The following DENND4B variants were observed in gnomAD, a reference collection of about 807,000 sequenced individuals.
The protein encoded by DENND4B is DENN domain-containing protein 4B.
DENND4B carries 67 observed loss-of-function variants against 161.0 expected under a neutral mutation model. The observed-to-expected ratio is 0.42, with a 90% CI of 0.34 to 0.51. The LOEUF (loss-of-function observed/expected upper bound fraction) is 0.51, where lower values mean the gene tolerates loss of function less well. Among genes scored for constraint, DENND4B ranks in the 20% least tolerant of loss-of-function variants. The pLI is 0.08. For missense variants in DENND4B, 1,481 were observed against 1,968.0 expected (o/e 0.75, Z 4.68); for synonymous variants, 753 against 813.8 (o/e 0.93, Z 1.27).
Position 153,941,380 on chromosome 1 carries a change from T to G in DENND4B, c.1116A>C (p.Leu372=). The G allele has an allele frequency of 6.2e-7, 1 of 1,613,344 alleles. No homozygotes were observed. Among genetic ancestry groups the G allele is most frequent in the Non-Finnish European group, 8.5e-7 (1 of 1,179,686 alleles). The change falls in exon 7 of 28, where the codon CTA becomes CTC. Residue 372 remains leucine, a synonymous_variant. Transcript: ENST00000361217. ...CCCCAGCCTCAGCTCTCACCTGCAC[T>G]AGGATGCGGGGTCTCTGTGGGGAAG... ...PFPSPQRPRI[L]VQMSPYDNLL... is the part of the protein sequence containing the mutation.
In DENND4B at chr1:153,939,822, C is replaced by A. The variant is rs1679565059; in HGVS notation, c.1604-18G>T. 1.9e-6 allele frequency: 3 copies of A among 1,611,360 alleles called. No individual in the cohort carries two copies. Among genetic ancestry groups the A allele is most frequent in the Non-Finnish European group, 1.7e-6 (2 of 1,178,322 alleles). On this transcript the variant is annotated intron_variant, in intron 11 of 27. Coordinates refer to ENST00000361217, the MANE Select transcript of DENND4B (RefSeq NM_014856.3). ...AGTGTATGCTGGAGGCCAGGGCAGC[C>A]TAAGAGTCAGGGCTGGCTCCCATAG... is the stretch of plus-strand genomic sequence containing the variant.
rs971014242 is a variant in DENND4B at position 153,936,399 on chromosome 1, C to G, written c.2439+143G>C. 2 of 1,151,228 alleles carry G rather than the reference C, an allele frequency of 1.7e-6. No homozygotes were observed. Among genetic ancestry groups the G allele is most frequent in the Non-Finnish European group, 2.4e-6 (2 of 823,754 alleles). 71.3% of individuals were successfully genotyped at this position (1,151,228 alleles called of 1,614,324 possible). ...ACCCTGAACATGCTTATTCACTCGACGAATGTTTATAGATAATCTGCCCAG... is the reference window on the plus strand; with the variant it reads ...ACCCTGAACATGCTTATTCACTCGAGGAATGTTTATAGATAATCTGCCCAG... On this transcript the variant is annotated intron_variant, in intron 16 of 27. Transcript: ENST00000361217. This position sits in a 1 kb window ranked among gnomAD's most constrained non-coding sequence, Gnocchi z 4.1.
At position 153,934,095 on chromosome 1, in the gene DENND4B, G is replaced by C. The variant is rs1679157333; in HGVS notation, c.2941+40C>G. 1 of 1,512,190 alleles carries C rather than the reference G, an allele frequency of 6.6e-7. No homozygotes were observed. The highest frequency in any genetic ancestry group is 1.3e-5 in the South Asian group (1 of 76,002). 93.7% of individuals were successfully genotyped at this position (1,512,190 alleles called of 1,614,324 possible). A position where few individuals can be genotyped will look rare whatever the true frequency, so the allele number is the denominator to read the frequency against. ...ACCTCACTAGCAAGTGGTTAGGAAAGCTGACTGGGGGAGTGAGGGAGCCAG... is the reference window on the plus strand; with the variant it reads ...ACCTCACTAGCAAGTGGTTAGGAAACCTGACTGGGGGAGTGAGGGAGCCAG... On this transcript the variant is annotated intron_variant, in intron 19 of 27. Transcript: ENST00000361217. The surrounding 1 kb of genome is among the most constrained non-coding windows in gnomAD (Gnocchi z 5.3).
At position 153,930,525 on chromosome 1, in the gene DENND4B, G is replaced by C. The variant is rs201557402; in HGVS notation, c.4345+14C>G. ...AGATCCCTAAACTCCTCAGCCCCTTGCCTGCAATCTCACCTATGTCCACGT... is the reference window on the plus strand; with the variant it reads ...AGATCCCTAAACTCCTCAGCCCCTTCCCTGCAATCTCACCTATGTCCACGT... On this transcript the variant is annotated intron_variant, in intron 27 of 27. Transcript: ENST00000361217. This position sits in a 1 kb window ranked among gnomAD's most constrained non-coding sequence, Gnocchi z 4.7. 49 of 1,614,018 alleles carry C rather than the reference G, an allele frequency of 3.0e-5. No individual in the cohort carries two copies. In the East Asian group the frequency reaches 1.0e-3, roughly 34 times the overall value.
At position 153,940,936 on chromosome 1, in the gene DENND4B, G is replaced by A. The variant is rs757873402; in HGVS notation, c.1294C>T (p.Leu432=). ...KLLVHSLRPD[L]LTSVCEALVS... ...AGGGCCTCACAGACGCTGGTGAGCA[G>A]GTCTGGCCGCAGCGAGTGGACTAGC... Residue 432 remains leucine (L), a synonymous_variant, in exon 9 of 28, where the codon CTG becomes TTG. Transcript: ENST00000361217. The surrounding 1 kb of genome is among the most constrained non-coding windows in gnomAD (Gnocchi z 5.6). 8.1e-6 allele frequency: 13 copies of A among 1,599,996 alleles called. No homozygotes were observed. The highest frequency in any genetic ancestry group is 1.7e-5 in the Admixed American group (1 of 57,298).
At position 153,940,243 on chromosome 1, in the gene DENND4B, T is replaced by G. The variant is rs534670650; in HGVS notation, c.1516A>C (p.Lys506Gln). Reference sequence around the variant, plus strand: ...GGCAGGGTCCGAGGGGAGAGGAGCTTCTTTTCCTCAGTCCTGTGAGAAAAG... The same window carrying G: ...GGCAGGGTCCGAGGGGAGAGGAGCTGCTTTTCCTCAGTCCTGTGAGAAAAG... Reference protein sequence around the residue: ...TNTLFQTEEKKLLSPRTLPRR... With the variant: ...TNTLFQTEEKQLLSPRTLPRR... Residue 506 changes from lysine (K) to glutamine (Q), a missense_variant, in exon 11 of 28, where the codon AAG becomes CAG. Physicochemically the swap from Lys to Gln is moderately conservative, Grantham distance 53 (BLOSUM62 1). Around this residue, in one of 3 missense-constraint regions of DENND4B, gnomAD observed 806 missense variants for 1,134.4 expected, o/e 0.71. Transcript: ENST00000361217. The surrounding 1 kb of genome is among the most constrained non-coding windows in gnomAD (Gnocchi z 5.6). 1.9e-6 allele frequency: 3 copies of G among 1,599,122 alleles called. No homozygotes were observed. The highest frequency in any genetic ancestry group is 2.2e-5 in the East Asian group (1 of 44,818).
chr1:153,939,115 G>T, intron 12 of DENND4B, 70 bp from the exon 13 acceptor site: 1 of 1,557,428 alleles, frequency 6.4e-7, no homozygotes, highest in South Asian at 1.2e-5. Context: ...TAGCTTTTTT[G>T]AATCTCTTCT....
chr1:153,942,910 A>C lies in DENND4B; in HGVS notation c.538T>G (p.Cys180Gly). The change falls in exon 3 of 28, where the codon TGC (cysteine) becomes GGC (glycine). Residue 180 changes from cysteine to glycine, a missense_variant. Cys to Gly is a radical substitution (Grantham distance 159). Around this residue, in one of 3 missense-constraint regions of DENND4B, gnomAD observed 806 missense variants for 1,134.4 expected, o/e 0.71. Coordinates refer to ENST00000361217, the MANE Select transcript of DENND4B (RefSeq NM_014856.3). The surrounding 1 kb of genome is among the most constrained non-coding windows in gnomAD (Gnocchi z 6.9). The part of the protein sequence containing the change: ...SKGEGTPHTY[C>G]RLPRNLNPGM... ...GGGTTGAGGTTGCGGGGCAGCCGGC[A>C]GTAAGTATGAGGAGTGCCCTCGCCC... 6.2e-7 allele frequency: 1 copy of C among 1,603,518 alleles called. No homozygotes were observed. The highest frequency in any genetic ancestry group is 8.5e-7 in the Non-Finnish European group (1 of 1,171,540).
chr1:153,945,590 A>G (rs1322464782), intron 1 of DENND4B, among the ~76,000 whole-genome samples: 1 of 152,092 alleles, frequency 6.6e-6, no homozygotes, highest in East Asian at 1.9e-4. Context: ...ACACACACGC[A>G]CACACGTACA....
Position 153,940,811 on chromosome 1 carries a change from C to A in DENND4B, c.1326+93G>T. 1 of 1,481,572 alleles carries A rather than the reference C, an allele frequency of 6.7e-7. No individual in the cohort carries two copies. Among genetic ancestry groups the A allele is most frequent in the Non-Finnish European group, 8.9e-7 (1 of 1,117,726 alleles). The allele number at this position is 1,481,572 out of a possible 1,614,324, so 91.8% of individuals were successfully genotyped here. A position where few individuals can be genotyped will look rare whatever the true frequency, so the allele number is the denominator to read the frequency against. ...AGGGAAAGGGGCTGAGGATCCTCCACAAGGAAGGAAAAGGGAAGAGTCCAG... is the reference window on the plus strand; with the variant it reads ...AGGGAAAGGGGCTGAGGATCCTCCAAAAGGAAGGAAAAGGGAAGAGTCCAG... On this transcript the variant is annotated intron_variant, in intron 9 of 27. Transcript: ENST00000361217. This position sits in a 1 kb window ranked among gnomAD's most constrained non-coding sequence, Gnocchi z 5.6.
chr1:153,938,002 G>A (rs1376595433), intron 13 of DENND4B, 139 bp from the exon 14 acceptor site: 4 of 1,244,480 alleles, frequency 3.2e-6, no homozygotes, highest in Non-Finnish European at 4.5e-6. Context: ...TCAGGAACGG[G>A]AGGACAGTAC....
Position 153,933,319 on chromosome 1 carries a change from T to G in DENND4B, c.3331A>C (p.Ser1111Arg). The G allele has an allele frequency of 2.5e-6, 4 of 1,613,516 alleles. No individual in the cohort carries two copies. Among genetic ancestry groups the G allele is most frequent in the Non-Finnish European group, 3.4e-6 (4 of 1,179,696 alleles). Residue 1111 changes from serine to arginine, a missense_variant and splice_region_variant, in exon 21 of 28, where the codon AGC (serine) becomes CGC (arginine). By Grantham distance (110) the Ser-to-Arg change is moderately radical (BLOSUM62 -1). Transcript: ENST00000361217. The surrounding 1 kb of genome is among the most constrained non-coding windows in gnomAD (Gnocchi z 5.7). ...RERPGSTASE[S>R]SASLGSEWDL... ...CACTCACTGCCCAGAGAGGCTGAGC[T>G]CTACCATGACATGAGAAACCATGGT...
rs1462985317 is a variant in DENND4B, at chr1:153,941,937, G to T, written c.987C>A (p.Ala329=). ...AVLSRWPAFP[A]FRAFLTFLYR... is the part of the protein sequence containing the mutation. ...AAAGGAAGGTGAGGAAGGCGCGGAA[G>T]GCAGGGAAGGCAGGCCAGCGGGACA... is the stretch of plus-strand genomic sequence containing the variant. Residue 329 remains alanine, a synonymous_variant, in exon 6 of 28, where the codon GCC becomes GCA. Coordinates refer to ENST00000361217, the MANE Select transcript of DENND4B (RefSeq NM_014856.3). 6.2e-7 allele frequency: 1 copy of T among 1,612,314 alleles called. No individual in the cohort carries two copies. Among genetic ancestry groups the T allele is most frequent in the Admixed American group, 1.7e-5 (1 of 60,002 alleles).
intron 1 of DENND4B, among the ~76,000 whole-genome samples, chr1:153,945,789 C>T (rs1679927656): frequency 6.6e-6 from 1 of 152,226 alleles, no homozygotes; most frequent in Non-Finnish European, 1.5e-5. Flanking sequence ...TGGGTGGCAC[C>T]CATCCGCAGG....
rs1473848264 is a variant in DENND4B at position 153,942,361 on chromosome 1, AC to A, written c.641-6del. 8 of 1,609,132 alleles carry A rather than the reference AC, an allele frequency of 5.0e-6. No individual in the cohort carries two copies. The highest frequency in any genetic ancestry group is 1.6e-4 in the Middle Eastern group (1 of 6,062). On this transcript the variant is annotated splice_region_variant and splice_polypyrimidine_tract_variant and intron_variant, in intron 4 of 27. Transcript: ENST00000361217. This position sits in a 1 kb window ranked among gnomAD's most constrained non-coding sequence, Gnocchi z 6.9. ...CCGGGTAGCGGCCCAGCAGCTCTGC[AC>A]CCCCAGCATAGTTGGGGGTACCCAA...
At position 153,937,430 on chromosome 1, in the gene DENND4B, A is replaced by C. The variant is rs1218711909; in HGVS notation, c.2232+58T>G. 2 of 1,463,246 alleles carry C rather than the reference A, an allele frequency of 1.4e-6. No homozygotes were observed. Among genetic ancestry groups the C allele is most frequent in the South Asian group, 1.4e-5 (1 of 71,844 alleles). The allele number at this position is 1,463,246 out of a possible 1,614,324, so 90.6% of individuals were successfully genotyped here. On this transcript the variant is annotated intron_variant, in intron 15 of 27. Coordinates refer to ENST00000361217, the MANE Select transcript of DENND4B (RefSeq NM_014856.3). The surrounding 1 kb of genome is among the most constrained non-coding windows in gnomAD (Gnocchi z 4.7). ...CCCATTTTGTAGATGAGGAAACTGA[A>C]GCAGCAGCAGCCTTCAGCCTGATCC...
chr1:153,932,729 A>C lies in DENND4B; in HGVS notation c.3672T>G (p.Pro1224=). 6.2e-7 allele frequency: 1 copy of C among 1,614,072 alleles called. No individual in the cohort carries two copies. Residue 1224 remains proline, a synonymous_variant, in exon 23 of 28, where the codon CCT becomes CCG. Transcript: ENST00000361217. The surrounding 1 kb of genome is among the most constrained non-coding windows in gnomAD (Gnocchi z 5.8). ...SAGASGSKDA[P]VPGGPGPVLS... ...GCACAGGGCCAGGACCACCAGGGAC[A>C]GGAGCATCTTTGCTGCCACTGGCAC...
In DENND4B at chr1:153,933,527, T is replaced by C. The variant is rs374355062; in HGVS notation, c.3286A>G (p.Ser1096Gly). The change falls in exon 20 of 28, where the codon AGT becomes GGT. Residue 1096 changes from serine (S) to glycine (G), a missense_variant. By Grantham distance (56) the Ser-to-Gly change is moderately conservative. Around this residue, in one of 3 missense-constraint regions of DENND4B, gnomAD observed 339 missense variants for 330.3 expected, o/e 1.03. Transcript: ENST00000361217. This position sits in a 1 kb window ranked among gnomAD's most constrained non-coding sequence, Gnocchi z 5.7. ...GGGCGCTCCCGGGGGTGCAGAAGAC[T>C]GTCCATGGGGCTGCGGCGGGCTGGG... Reference protein sequence around the residue: ...PPPARRSPMDSLLHPRERPGS... With the variant: ...PPPARRSPMDGLLHPRERPGS... 412 of 1,544,904 alleles carry C rather than the reference T, an allele frequency of 2.7e-4. No individual in the cohort carries two copies. The highest frequency in any genetic ancestry group is 8.1e-4 in the Middle Eastern group (4 of 4,918).
In DENND4B at chr1:153,943,678, T is replaced by TAAAAAAAAA. The variant is rs11330733; in HGVS notation, c.317+371_317+379dup. The stretch of plus-strand genomic sequence containing the variant: ...GAGTGACAGAGAGAGACTCTGTCTA[T>TAAAAAAAAA]AAAAAAAAAAAAAAAAAAAAAAATA... On this transcript the variant is annotated intron_variant, in intron 2 of 27. Coordinates refer to ENST00000361217, the MANE Select transcript of DENND4B (RefSeq NM_014856.3). Among the ~76,000 whole-genome samples, 36 of 92,382 alleles carry TAAAAAAAAA rather than the reference T, an allele frequency of 3.9e-4. 1 individual carries two copies. The highest frequency in any genetic ancestry group is 1.2e-3 in the East Asian group (4 of 3,448). 60.6% of individuals were successfully genotyped at this position (92,382 alleles called of 152,430 possible).
Sources: gnomAD v4.1 joint callset for allele counts (sites outside exome capture counted in the v4.1 genomes callset) on GRCh38, gnomAD v4.1.1 for gene constraint, gnomAD v4.1.1 regional missense constraint, Gnocchi (gnomAD v3.1) non-coding constraint, MANE v1.5 for transcripts, NCBI Gene and HGNC (gene_info 2026-07-23, HGNC 2026-07-21) for gene names.